Variants in SPHKAP observed in about 807,000 individuals in gnomAD.
SPHKAP encodes the protein SPHK1 interactor, AKAP domain containing.
In SPHKAP, 67 loss-of-function variants were observed where a neutral mutation model predicts 137.5. That is an observed-to-expected ratio of 0.49 (90% CI 0.40 to 0.60). SPHKAP has a LOEUF of 0.60. Among genes scored for constraint, SPHKAP ranks in the 20% least tolerant of loss-of-function variants. SPHKAP has a pLI of 0.00. For missense variants in SPHKAP, 2,097 were observed against 2,069.3 expected (o/e 1.01, Z -0.26); for synonymous variants, 813 against 785.3 (o/e 1.04, Z -0.59).
At chr2:228,028,106 T>G in intron 3 of SPHKAP, 1 of 967,322 alleles carries the variant, frequency 1.0e-6, no homozygotes, top group Non-Finnish European at 1.2e-6. Context: ...TAAAAAAGTC[T>G]GCTTGTATTA....
intron 1 of SPHKAP, among the ~76,000 whole-genome samples, chr2:228,143,367 C>T (rs895331885): frequency 1.3e-5 from 2 of 152,078 alleles, no homozygotes; most frequent in African/African-American, 2.4e-5. Context: ...CATAATGAGA[C>T]CCTGTCTCTA....
At chr2:228,099,064 T>G (rs1217423886) in intron 3 of SPHKAP, among the ~76,000 whole-genome samples, 1 of 152,200 alleles carries the variant, frequency 6.6e-6, no homozygotes, top group East Asian at 1.9e-4. Flanking sequence ...TTTTTGTTTT[T>G]GTTGCAATTG....
chr2:227,993,795 G>A (rs1397611192), intron 8 of SPHKAP, among the ~76,000 whole-genome samples, 175 bp from the exon 9 acceptor site: 5 of 152,044 alleles, frequency 3.3e-5, no homozygotes, highest in Admixed American at 2.6e-4. Context: ...AAATCATAAT[G>A]AGACATAGGC....
At chr2:228,113,108 T>G (rs1348672416) in intron 2 of SPHKAP, among the ~76,000 whole-genome samples, 4 of 152,188 alleles carry the variant, frequency 2.6e-5, no homozygotes, top group Non-Finnish European at 5.9e-5. Flanking sequence ...ATTTGCCACA[T>G]ACATGCAACT....
chr2:228,138,189 AC>A (rs1010792106), intron 1 of SPHKAP, among the ~76,000 whole-genome samples: 1 of 152,052 alleles, frequency 6.6e-6, no homozygotes, highest in Non-Finnish European at 1.5e-5. Context: ...TCTAGTAAGC[AC>A]CCCGTTAGGA....
At chr2:228,095,403 T>A (rs959863847) in intron 3 of SPHKAP, among the ~76,000 whole-genome samples, 6 of 152,094 alleles carry the variant, frequency 3.9e-5, no homozygotes, top group African/African-American at 9.7e-5. Flanking sequence ...AAGTTCAGGT[T>A]AGAGACAAAA....
At position 227,991,330 on chromosome 2, in the gene SPHKAP, T is replaced by G; in HGVS notation, c.4722-4A>C. 6.2e-7 allele frequency: 1 copy of G among 1,614,210 alleles called. No individual in the cohort carries two copies. Among genetic ancestry groups the G allele is most frequent in the Non-Finnish European group, 8.5e-7 (1 of 1,180,024 alleles). ...CTTCTTTTCTTCTACTAATTCACTT[T>G]GGGAGAAAACAACAGTATATGGTTG... On this transcript the variant is annotated splice_region_variant and splice_polypyrimidine_tract_variant and intron_variant, in intron 9 of 11. Transcript: ENST00000392056.
intron 3 of SPHKAP, among the ~76,000 whole-genome samples, chr2:228,043,872 G>C (rs899247480): frequency 6.6e-6 from 1 of 152,068 alleles, no homozygotes; most frequent in Admixed American, 6.6e-5. Context: ...TCTAGTGGTT[G>C]CTTTCTCCCT....
rs1254487922 is a variant in SPHKAP at position 228,082,094 on chromosome 2, T to A, written c.246+26738A>T. ...TTTATTTACCAATTTAAAAAACAAA[T>A]AAATACTCTATTTACAAAACAGGCA... On this transcript the variant is annotated intron_variant, in intron 3 of 11. Transcript: ENST00000392056. 2.0e-5 allele frequency among the ~76,000 whole-genome samples: 3 copies of A among 152,302 alleles called. No individual in the cohort carries two copies. In the East Asian group the frequency reaches 5.8e-4, roughly 29 times the overall value.
intron 7 of SPHKAP, among the ~76,000 whole-genome samples, chr2:228,006,362 A>T (rs1694131547): frequency 6.6e-6 from 1 of 152,122 alleles, no homozygotes; most frequent in Admixed American, 6.6e-5. Context: ...TTCATCATGT[A>T]ATTCTCGTGC....
intron 9 of SPHKAP, 40 bp downstream of exon 9, chr2:227,993,494 G>A: frequency 1.3e-6 from 2 of 1,525,936 alleles, no homozygotes; most frequent in South Asian, 1.2e-5. Context: ...TGGAATTGGA[G>A]TAGTGGTCTC....
At chr2:228,121,572 G>C (rs546668095) in intron 2 of SPHKAP, among the ~76,000 whole-genome samples, 21 of 152,224 alleles carry the variant, frequency 1.4e-4, no homozygotes, top group African/African-American at 4.1e-4. Flanking sequence ...TTCTCTTCTT[G>C]GGAAAAAGCT....
Position 228,179,731 on chromosome 2 carries a change from G to C in SPHKAP, c.32+1836C>G, listed in dbSNP as rs987764595. On this transcript the variant is annotated intron_variant, in intron 1 of 11. Transcript: ENST00000392056. The stretch of plus-strand genomic sequence containing the variant: ...TACAAGATACAGAGCAATATCATCA[G>C]AGTTGCTTTGCTCTTTATAAGGTCA... Among the ~76,000 whole-genome samples, 12 of 152,316 alleles carry C rather than the reference G, an allele frequency of 7.9e-5. No homozygotes were observed. The East Asian group carries it at 1.5e-3, about 20-fold the overall frequency.
intron 7 of SPHKAP, among the ~76,000 whole-genome samples, chr2:228,009,372 G>C (rs544205059): frequency 1.3e-5 from 2 of 152,196 alleles, no homozygotes; most frequent in East Asian, 3.9e-4. Flanking sequence ...CCTGCTTAGA[G>C]TTATATTTCT....
chr2:228,086,661 G>A (rs1697549365), intron 3 of SPHKAP, among the ~76,000 whole-genome samples: 1 of 152,156 alleles, frequency 6.6e-6, no homozygotes, highest in African/African-American at 2.4e-5. Flanking sequence ...CCGGACCTCG[G>A]AGGATACCAG....
At chr2:228,144,269 G>A (rs923265125) in intron 1 of SPHKAP, among the ~76,000 whole-genome samples, 7 of 152,146 alleles carry the variant, frequency 4.6e-5, no homozygotes, top group African/African-American at 1.7e-4. Flanking sequence ...TGTTTCCTGT[G>A]TTTATTATTT....
chr2:228,032,796 G>A, intron 3 of SPHKAP, among the ~76,000 whole-genome samples: 1 of 152,100 alleles, frequency 6.6e-6, no homozygotes, highest in Non-Finnish European at 1.5e-5. Flanking sequence ...AAGTGAAGGA[G>A]AAATAAAATA....
chr2:228,027,900 AG>A (rs1695113154), intron 3 of SPHKAP: 1 of 518,002 alleles, frequency 1.9e-6, no homozygotes, highest in South Asian at 8.8e-5. Context: ...CAGGAGGCGG[AG>A]GTTGCAGTGA....
chr2:228,044,035 A>T (rs1391903846), intron 3 of SPHKAP, among the ~76,000 whole-genome samples: 1 of 152,202 alleles, frequency 6.6e-6, no homozygotes, highest in African/African-American at 2.4e-5. Flanking sequence ...AGTGAACTTA[A>T]TTTAAAAATA....
Sources: gnomAD v4.1 joint callset for allele counts (sites outside exome capture counted in the v4.1 genomes callset) on GRCh38, gnomAD v4.1.1 for gene constraint, MANE v1.5 for transcripts, NCBI Gene and HGNC (gene_info 2026-07-23, HGNC 2026-07-21) for gene names.